The following PHACTR1 variants were observed in gnomAD, a reference collection of about 807,000 sequenced individuals.
PHACTR1 encodes the protein RPEL repeat containing 1.
A neutral mutation model predicts 69.2 loss-of-function variants in PHACTR1; 16 were observed. The observed-to-expected ratio is 0.23, with a 90% confidence interval of 0.16 to 0.35. The LOEUF is 0.35. PHACTR1 is among the 10% of genes least tolerant of loss of function. The probability of loss-of-function intolerance (pLI) is 1.00; values close to 1 mark genes in which losing one functional copy is unlikely to be tolerated. For synonymous variants in PHACTR1, 312 were observed against 284.5 expected (o/e 1.10, Z -0.97); for missense variants, 510 against 734.7 (o/e 0.69, Z 3.54).
intron 3 of PHACTR1, among the ~76,000 whole-genome samples, chr6:12,743,976 C>G (rs964143844): frequency 6.6e-6 from 1 of 152,194 alleles, no homozygotes; most frequent in Non-Finnish European, 1.5e-5. Flanking sequence ...ACAGTGCAAT[C>G]AAACTAGAAC....
chr6:13,129,144 G>A (rs1262481067), intron 5 of PHACTR1, among the ~76,000 whole-genome samples: 9 of 152,072 alleles, frequency 5.9e-5, no homozygotes, highest in Non-Finnish European at 8.8e-5. Context: ...TACAAGACAT[G>A]CTAAAAAGAG....
chr6:13,255,630 A>C (rs1314701789), intron 10 of PHACTR1, among the ~76,000 whole-genome samples: 2 of 152,258 alleles, frequency 1.3e-5, no homozygotes, highest in African/African-American at 4.8e-5. Context: ...GGGAGATATC[A>C]GCCAAAAGAA....
At chr6:13,079,217 G>GC (rs1811003614) in intron 5 of PHACTR1, among the ~76,000 whole-genome samples, 1 of 152,100 alleles carries the variant, frequency 6.6e-6, no homozygotes, top group Non-Finnish European at 1.5e-5. Flanking sequence ...GGAGACACAG[G>GC]CCTTACTGCT....
chr6:13,033,325 A>C (rs1802754678), intron 4 of PHACTR1, among the ~76,000 whole-genome samples: 1 of 152,312 alleles, frequency 6.6e-6, no homozygotes, highest in Non-Finnish European at 1.5e-5. Flanking sequence ...CAAACTGTAG[A>C]CATGCATCTG....
At chr6:13,251,071 G>A (rs927675637) in intron 10 of PHACTR1, among the ~76,000 whole-genome samples, 7 of 152,166 alleles carry the variant, frequency 4.6e-5, no homozygotes, top group South Asian at 4.1e-4. Flanking sequence ...CCTGTGCATC[G>A]TCCACATGCC....
intron 4 of PHACTR1, among the ~76,000 whole-genome samples, chr6:12,848,421 GC>G (rs1194034002): frequency 6.6e-6 from 1 of 152,052 alleles, no homozygotes; most frequent in South Asian, 2.1e-4. Context: ...TTTTTCCCAA[GC>G]TTCTTTAGGC....
chr6:13,233,654 C>G (rs572316554), intron 10 of PHACTR1, among the ~76,000 whole-genome samples: 1 of 152,160 alleles, frequency 6.6e-6, no homozygotes, highest in Non-Finnish European at 1.5e-5. Flanking sequence ...ATGAGGGAAA[C>G]TGCCCCCATG....
At chr6:13,192,408 A>T (rs1487333041) in intron 7 of PHACTR1, among the ~76,000 whole-genome samples, 1 of 152,202 alleles carries the variant, frequency 6.6e-6, no homozygotes, top group African/African-American at 2.4e-5. Context: ...AAGAAATAGC[A>T]AATAGTCCTA....
chr6:13,249,074 A>C (rs1021146522), intron 10 of PHACTR1, among the ~76,000 whole-genome samples: 3 of 152,194 alleles, frequency 2.0e-5, no homozygotes, highest in Non-Finnish European at 2.9e-5. Flanking sequence ...TTCGTGGCTT[A>C]TCAGCATTAT....
intron 7 of PHACTR1, among the ~76,000 whole-genome samples, chr6:13,193,920 T>C (rs1054544779): frequency 6.6e-5 from 10 of 152,068 alleles, no homozygotes; most frequent in African/African-American, 2.4e-4. Context: ...AACAGCACAG[T>C]GATCAATTGA....
Position 12,718,740 on chromosome 6 carries a change from C to G in PHACTR1, c.-5C>G. 1 of 1,506,534 alleles carries G rather than the reference C, an allele frequency of 6.6e-7. No individual in the cohort carries two copies. Among genetic ancestry groups the G allele is most frequent in the Non-Finnish European group, 9.0e-7 (1 of 1,111,118 alleles). The allele number at this position is 1,506,534 out of a possible 1,614,324, so 93.3% of individuals were successfully genotyped here. ...TCTCAAAACTCTGTGTTTGGAACATCAAGGATGGATTATCCCAAAATGGAT... is the reference window on the plus strand; with the variant it reads ...TCTCAAAACTCTGTGTTTGGAACATGAAGGATGGATTATCCCAAAATGGAT... On this transcript the variant is annotated 5_prime_UTR_variant, in exon 3 of 15. The change creates a new upstream start codon in the 5' untranslated region. Transcript: ENST00000332995.
intron 4 of PHACTR1, among the ~76,000 whole-genome samples, chr6:13,052,966 T>C (rs1271550865): frequency 1.3e-5 from 2 of 152,218 alleles, no homozygotes; most frequent in Admixed American, 1.3e-4. Context: ...TTTTTCTCAG[T>C]AGACAGTGCT....
At chr6:13,225,347 A>G in intron 8 of PHACTR1, among the ~76,000 whole-genome samples, 1 of 152,232 alleles carries the variant, frequency 6.6e-6, no homozygotes. Context: ...GATTGGCCCC[A>G]GAAGTCTTTA....
chr6:12,999,735 T>C (rs1041207611), intron 4 of PHACTR1, among the ~76,000 whole-genome samples: 4 of 152,208 alleles, frequency 2.6e-5, no homozygotes, highest in African/African-American at 4.8e-5. Flanking sequence ...TGCATACCTA[T>C]ATGGTAAAAG....
intron 10 of PHACTR1, among the ~76,000 whole-genome samples, chr6:13,265,988 G>A (rs956234080): frequency 1.3e-5 from 2 of 152,156 alleles, no homozygotes; most frequent in Admixed American, 1.3e-4. Context: ...TGAGCTAAAT[G>A]TATCCTGCTG....
chr6:12,736,113 A>G (rs557252270), intron 3 of PHACTR1, among the ~76,000 whole-genome samples: 1 of 152,360 alleles, frequency 6.6e-6, no homozygotes, highest in East Asian at 1.9e-4. Context: ...ATAGAAAAAG[A>G]AAAATGTTCC....
chr6:12,841,170 A>G (rs1778664083), intron 4 of PHACTR1, among the ~76,000 whole-genome samples: 1 of 152,220 alleles, frequency 6.6e-6, no homozygotes, highest in African/African-American at 2.4e-5. Flanking sequence ...TCCTTATGGT[A>G]TGAGATAAGA....
At chr6:12,864,612 G>A (rs188661924) in intron 4 of PHACTR1, among the ~76,000 whole-genome samples, 7 of 151,796 alleles carry the variant, frequency 4.6e-5, no homozygotes, top group African/African-American at 1.2e-4. Flanking sequence ...CCCAGGAGGC[G>A]AAGCTTGCAG....
At chr6:12,738,931 G>A (rs1764677254) in intron 3 of PHACTR1, among the ~76,000 whole-genome samples, 2 of 152,110 alleles carry the variant, frequency 1.3e-5, no homozygotes, top group African/African-American at 4.8e-5. Flanking sequence ...TATTATTTAT[G>A]TTTTTTAAAC....
Sources: gnomAD v4.1 joint callset for allele counts (sites outside exome capture counted in the v4.1 genomes callset) on GRCh38, gnomAD v4.1.1 for gene constraint, MANE v1.5 for transcripts, NCBI Gene and HGNC (gene_info 2026-07-23, HGNC 2026-07-21) for gene names.